Variants in MTMR3 observed in about 807,000 individuals in gnomAD.
MTMR3 encodes phosphatidylinositol-3,5-bisphosphate 3-phosphatase MTMR3.
A neutral mutation model predicts 132.4 loss-of-function variants in MTMR3; 32 were observed. The observed-to-expected ratio is 0.24, with a 90% CI of 0.18 to 0.32. The LOEUF is 0.32. MTMR3 is among the 10% of genes least tolerant of loss of function. MTMR3 has a pLI of 1.00. For missense variants in MTMR3, 1,216 were observed against 1,489.6 expected (o/e 0.82, Z 3.02); for synonymous variants, 556 against 550.3 (o/e 1.01, Z -0.14).
At chr22:29,911,173 T>A (rs1174548248) in intron 1 of MTMR3, among the ~76,000 whole-genome samples, 1 of 152,202 alleles carries the variant, frequency 6.6e-6, no homozygotes, top group Non-Finnish European at 1.5e-5. Flanking sequence ...CCCATGGCAC[T>A]GTGCCTTTGA....
In MTMR3 at chr22:30,019,567, C is replaced by A; in HGVS notation, c.1908C>A (p.Ser636Arg). The part of the protein sequence containing the change: ...PLASRRCSDP[S>R]LNEKWQEHRR... ...CCAGCCGGCGCTGCAGCGACCCCAGCCTGAACGAGAAGTGGCAGGAGCACC... is the reference window on the plus strand; with the variant it reads ...CCAGCCGGCGCTGCAGCGACCCCAGACTGAACGAGAAGTGGCAGGAGCACC... Residue 636 changes from serine (S) to arginine (R), a missense_variant, in exon 17 of 20, where the codon AGC becomes AGA. By Grantham distance (110) the Ser-to-Arg change is moderately radical. Around this residue, in one of 7 missense-constraint regions of MTMR3, gnomAD observed 852 missense variants for 852.0 expected, o/e 1.00. Coordinates refer to ENST00000401950, the MANE Select transcript of MTMR3 (RefSeq NM_021090.4). 6.2e-7 allele frequency: 1 copy of A among 1,613,808 alleles called. No homozygotes were observed. Among genetic ancestry groups the A allele is most frequent in the Non-Finnish European group, 8.5e-7 (1 of 1,180,044 alleles).
In MTMR3 at chr22:29,895,964, C is replaced by T. The variant is rs116364351; in HGVS notation, c.-138+12605C>T. ...AATAAGAGAAGACAACATTTCAAAT[C>T]GACAATTTTTAAAATTTTCGGTCAG... On this transcript the variant is annotated intron_variant, in intron 1 of 19. Transcript: ENST00000401950. 4.8e-3 allele frequency among the ~76,000 whole-genome samples: 736 copies of T among 152,246 alleles called. 8 individuals carry two copies. Among genetic ancestry groups the T allele is most frequent in the African/African-American group, 0.017 (694 of 41,526 alleles).
intron 1 of MTMR3, among the ~76,000 whole-genome samples, chr22:29,923,769 A>T (rs1347871376): frequency 6.6e-6 from 1 of 152,056 alleles, no homozygotes; most frequent in Non-Finnish European, 1.5e-5. Flanking sequence ...ATTTAACCTT[A>T]ATTACGTCTT....
chr22:30,022,026 C>T lies in MTMR3; in HGVS notation c.3226-3C>T. On this transcript the variant is annotated splice_polypyrimidine_tract_variant and splice_region_variant and intron_variant, in intron 17 of 19. Coordinates refer to ENST00000401950, the MANE Select transcript of MTMR3 (RefSeq NM_021090.4). ...CTGTTCAGCTGTGTTTGTTTGCCAA[C>T]AGACTTCAATCCCCGACTCGGAAAG... The T allele has an allele frequency of 1.2e-6, 2 of 1,611,392 alleles. No homozygotes were observed. Among genetic ancestry groups the T allele is most frequent in the Non-Finnish European group, 1.7e-6 (2 of 1,177,478 alleles).
At position 30,009,026 on chromosome 22, in the gene MTMR3, C is replaced by G; in HGVS notation, c.1018C>G (p.Pro340Ala). Residue 340 changes from proline (P) to alanine (A), a missense_variant, in exon 12 of 20, where the codon CCA (proline) becomes GCA (alanine). By Grantham distance (27) the Pro-to-Ala change is conservative. Transcript: ENST00000401950. ...ATTGTTACTCTCTCCAGAGTATTAC[C>G]CAAACTGTGAAGTTGTGTTTATGGG... Reference protein sequence around the residue: ...GGGCECPEYYPNCEVVFMGMA... With the variant: ...GGGCECPEYYANCEVVFMGMA... 6.2e-7 allele frequency: 1 copy of G among 1,606,518 alleles called. No individual in the cohort carries two copies. The highest frequency in any genetic ancestry group is 8.5e-7 in the Non-Finnish European group (1 of 1,173,168).
chr22:29,914,101 C>G (rs182288706), intron 1 of MTMR3, among the ~76,000 whole-genome samples: 1 of 152,260 alleles, frequency 6.6e-6, no homozygotes, highest in Non-Finnish European at 1.5e-5. Context: ...CAACATAGAT[C>G]TTTGTGTGGA....
At chr22:30,025,495 G>A in intron 19 of MTMR3, 135 bp from the exon 20 acceptor site, 1 of 864,640 alleles carries the variant, frequency 1.2e-6, no homozygotes, top group Non-Finnish European at 1.8e-6. Flanking sequence ...CTGGGCTAGA[G>A]AGATGAAAGG....
At chr22:30,015,296 A>G (rs949354181) in intron 14 of MTMR3, 2 of 151,752 alleles carry the variant, frequency 1.3e-5, no homozygotes, top group African/African-American at 4.8e-5. Flanking sequence ...GGCTCAAACA[A>G]TATCCTCCCA....
chr22:29,981,411 T>G (rs564192728), intron 5 of MTMR3: 1 of 152,326 alleles, frequency 6.6e-6, no homozygotes, highest in African/African-American at 2.4e-5. Context: ...TCCCCCATTG[T>G]GATTGAGAGA....
intron 9 of MTMR3, chr22:30,005,882 T>C (rs1334529918): frequency 1.3e-5 from 2 of 152,234 alleles, no homozygotes; most frequent in African/African-American, 4.8e-5. Flanking sequence ...TTCAGTTTTA[T>C]ATAGAAACAT....
At chr22:30,012,970 T>C (rs1358273583) in intron 13 of MTMR3, 1 of 190,794 alleles carries the variant, frequency 5.2e-6, no homozygotes, top group African/African-American at 2.3e-5. Flanking sequence ...TACCCTAAAA[T>C]ATATGCAAGT....
At chr22:29,964,269 G>A (rs768867492) in intron 2 of MTMR3, among the ~76,000 whole-genome samples, 2 of 152,258 alleles carry the variant, frequency 1.3e-5, no homozygotes, top group Non-Finnish European at 2.9e-5. Context: ...TACAAGTCAG[G>A]TGCTGTAATG....
Position 30,019,667 on chromosome 22 carries a change from A to G in MTMR3, c.2008A>G (p.Thr670Ala). 6.2e-7 allele frequency: 1 copy of G among 1,614,166 alleles called. No homozygotes were observed. The highest frequency in any genetic ancestry group is 8.5e-7 in the Non-Finnish European group (1 of 1,180,028). Reference sequence around the variant, plus strand: ...TTCTGCCGACAGCCTAGGGAAGCCCACCAGAGTGCCGGGGGGTGCCGAGCT... The same window carrying G: ...TTCTGCCGACAGCCTAGGGAAGCCCGCCAGAGTGCCGGGGGGTGCCGAGCT... ...PLSADSLGKP[T>A]RVPGGAELSV... Residue 670 changes from threonine (T) to alanine (A), a missense_variant, in exon 17 of 20, where the codon ACC (threonine) becomes GCC (alanine). Physicochemically the swap from Thr to Ala is moderately conservative, Grantham distance 58. This residue lies in a region of MTMR3 where 852 missense variants were observed against 852.0 expected (regional missense o/e 1.00). Transcript: ENST00000401950.
chr22:29,970,881 G>T, intron 2 of MTMR3, 95 bp from the exon 3 acceptor site: 1 of 584,054 alleles, frequency 1.7e-6, no homozygotes, highest in Non-Finnish European at 3.0e-6. Flanking sequence ...CAATACCTTT[G>T]TGAGGATATG....
chr22:29,950,627 A>G (rs1180583664), intron 1 of MTMR3, among the ~76,000 whole-genome samples: 1 of 152,200 alleles, frequency 6.6e-6, no homozygotes, highest in Non-Finnish European at 1.5e-5. Context: ...CTCCCAGAGT[A>G]CTGGGATTAT....
At chr22:30,022,744 G>A in intron 19 of MTMR3, 47 bp downstream of exon 19, 2 of 1,528,194 alleles carry the variant, frequency 1.3e-6, no homozygotes, top group South Asian at 1.1e-5. Context: ...TGGAGGTTGA[G>A]GGTCGGCCCA....
chr22:29,978,614 C>T, intron 4 of MTMR3, 83 bp downstream of exon 4: 1 of 983,512 alleles, frequency 1.0e-6, no homozygotes, highest in South Asian at 1.5e-5. Flanking sequence ...GTGTAACGTA[C>T]TATATTATAT....
At chr22:29,894,558 A>G (rs1184518505) in intron 1 of MTMR3, among the ~76,000 whole-genome samples, 2 of 151,322 alleles carry the variant, frequency 1.3e-5, no homozygotes, top group Admixed American at 1.3e-4. Context: ...TTTAAATATC[A>G]AATGGAGTTG....
At chr22:29,975,010 G>T (rs2066603353) in intron 3 of MTMR3, among the ~76,000 whole-genome samples, 1 of 152,072 alleles carries the variant, frequency 6.6e-6, no homozygotes, top group East Asian at 1.9e-4. Context: ...TCTGTCGCCC[G>T]GGTTGGAGAG....
Sources: gnomAD v4.1 joint callset for allele counts (sites outside exome capture counted in the v4.1 genomes callset) on GRCh38, gnomAD v4.1.1 for gene constraint, gnomAD v4.1.1 regional missense constraint, MANE v1.5 for transcripts, NCBI Gene and HGNC (gene_info 2026-07-23, HGNC 2026-07-21) for gene names.